The following NRG3 variants were observed in gnomAD, a reference collection of about 807,000 sequenced individuals.
The protein encoded by NRG3 is neuregulin 3, also known as pro-neuregulin-3, membrane-bound isoform.
A neutral mutation model predicts 66.9 loss-of-function variants in NRG3; 31 were observed. The observed-to-expected ratio is 0.46, with a 90% CI of 0.35 to 0.63. NRG3 has a LOEUF of 0.63. Ranked by LOEUF, NRG3 falls within the 20% of genes least tolerant of loss-of-function variation. NRG3 has a pLI of 0.00. For missense variants in NRG3, 910 were observed against 878.9 expected, an observed-to-expected ratio of 1.04 and a Z score of -0.45; for synonymous variants, 393 against 359.4, an observed-to-expected ratio of 1.09 and a Z score of -1.06.
intron 1 of NRG3, among the ~76,000 whole-genome samples, chr10:82,293,316 G>T (rs981447220): frequency 5.4e-5 from 8 of 147,614 alleles, no homozygotes; most frequent in African/African-American, 2.1e-4. Context: ...AGCTTGCTTG[G>T]TATCAGCATT....
chr10:82,418,922 A>G (rs1348717360), intron 2 of NRG3, among the ~76,000 whole-genome samples: 2 of 152,138 alleles, frequency 1.3e-5, no homozygotes, highest in Admixed American at 1.3e-4. Context: ...TAAGCCTCAC[A>G]AACTTTTCCT....
intron 3 of NRG3, among the ~76,000 whole-genome samples, chr10:82,745,987 G>A (rs918443568): frequency 1.1e-4 from 16 of 152,076 alleles, no homozygotes; most frequent in Non-Finnish European, 1.9e-4. Context: ...AACTTTCTGG[G>A]CTCAAGTGAG....
intron 1 of NRG3, among the ~76,000 whole-genome samples, chr10:82,135,081 A>G (rs982555364): frequency 6.6e-6 from 1 of 150,930 alleles, no homozygotes; most frequent in African/African-American, 2.4e-5. Flanking sequence ...AGCCGAGATC[A>G]CACAACTGCA....
chr10:82,861,444 G>T (rs367913373), intron 3 of NRG3, among the ~76,000 whole-genome samples: 4 of 152,224 alleles, frequency 2.6e-5, no homozygotes, highest in East Asian at 3.9e-4. Context: ...ATCCTATTCA[G>T]TGTTTGAATA....
chr10:82,365,761 G>T (rs1432598024), intron 2 of NRG3, among the ~76,000 whole-genome samples: 3 of 152,094 alleles, frequency 2.0e-5, no homozygotes, highest in African/African-American at 7.2e-5. Flanking sequence ...ATTAGCCAAA[G>T]ATTACTTTAT....
intron 2 of NRG3, among the ~76,000 whole-genome samples, chr10:82,507,222 G>A (rs932629036): frequency 6.6e-6 from 1 of 152,162 alleles, no homozygotes; most frequent in African/African-American, 2.4e-5. Flanking sequence ...AGCTAATTTA[G>A]TAGTAGGGAT....
chr10:82,195,093 T>C (rs1335699235), intron 1 of NRG3, among the ~76,000 whole-genome samples: 1 of 152,184 alleles, frequency 6.6e-6, no homozygotes, highest in East Asian at 1.9e-4. Context: ...TAGTGGCCTC[T>C]ATTTTTTGGA....
chr10:82,755,033 T>A (rs886427788), intron 3 of NRG3, among the ~76,000 whole-genome samples: 6 of 152,106 alleles, frequency 3.9e-5, no homozygotes, highest in African/African-American at 9.7e-5. Context: ...ACAAATGACA[T>A]CTCTGAGCTG....
At chr10:82,276,654 A>C (rs1483625197) in intron 1 of NRG3, among the ~76,000 whole-genome samples, 1 of 152,068 alleles carries the variant, frequency 6.6e-6, no homozygotes, top group African/African-American at 2.4e-5. Flanking sequence ...TTTTATTCTA[A>C]CTGCATAGAT....
intron 1 of NRG3, among the ~76,000 whole-genome samples, chr10:81,964,413 A>C (rs1050276733): frequency 1.3e-5 from 2 of 150,920 alleles, no homozygotes; most frequent in African/African-American, 4.9e-5. Context: ...AAAAAAAAAA[A>C]AAAAAGAAGA....
At chr10:82,114,213 A>G (rs542001489) in intron 1 of NRG3, among the ~76,000 whole-genome samples, 19 of 152,258 alleles carry the variant, frequency 1.2e-4, no homozygotes, top group Middle Eastern at 3.4e-3. Flanking sequence ...TTGTTCATTC[A>G]TCTCTTAGGT....
At chr10:82,677,062 C>T (rs1483246635) in intron 2 of NRG3, among the ~76,000 whole-genome samples, 4 of 135,326 alleles carry the variant, frequency 3.0e-5, no homozygotes, top group African/African-American at 8.8e-5. Flanking sequence ...CTCTCTCTCT[C>T]TTTTTTTTTT....
At chr10:81,892,729 G>C (rs1843145865) in intron 1 of NRG3, among the ~76,000 whole-genome samples, 1 of 152,166 alleles carries the variant, frequency 6.6e-6, no homozygotes, top group Non-Finnish European at 1.5e-5. Flanking sequence ...AAAATAGAAA[G>C]AACGAGTAAG....
intron 1 of NRG3, among the ~76,000 whole-genome samples, chr10:82,051,597 A>G (rs1434153017): frequency 6.6e-6 from 1 of 152,208 alleles, no homozygotes; most frequent in Non-Finnish European, 1.5e-5. Context: ...CATGGACTCA[A>G]TATTTACTTG....
chr10:82,441,942 T>G (rs1023025026), intron 2 of NRG3, among the ~76,000 whole-genome samples: 8 of 152,168 alleles, frequency 5.3e-5, no homozygotes, highest in Non-Finnish European at 1.0e-4. Context: ...TTTCCAGAGC[T>G]TGATAATTTA....
chr10:81,916,529 G>T (rs1845726991), intron 1 of NRG3, among the ~76,000 whole-genome samples: 1 of 152,146 alleles, frequency 6.6e-6, no homozygotes, highest in African/African-American at 2.4e-5. Flanking sequence ...GCATTGGGGG[G>T]CTTTGTGTAG....
At chr10:82,683,988 A>G (rs2054310538) in intron 2 of NRG3, among the ~76,000 whole-genome samples, 1 of 151,580 alleles carries the variant, frequency 6.6e-6, no homozygotes, top group African/African-American at 2.4e-5. Context: ...ATCTTTGCAA[A>G]CAGGAGGCTT....
At chr10:82,660,420 C>A (rs1227327707) in intron 2 of NRG3, among the ~76,000 whole-genome samples, 1 of 151,958 alleles carries the variant, frequency 6.6e-6, no homozygotes, top group Non-Finnish European at 1.5e-5. Flanking sequence ...CTGTTAGTGA[C>A]TCACTCTTCC....
intron 1 of NRG3, among the ~76,000 whole-genome samples, chr10:82,274,283 T>C (rs2078736554): frequency 6.6e-6 from 1 of 152,070 alleles, no homozygotes; most frequent in African/African-American, 2.4e-5. Context: ...TCTACAAAGT[T>C]TTCTTCCCAT....
Sources: allele counts gnomAD v4.1 joint callset (sites outside exome capture counted in the v4.1 genomes callset), GRCh38; gene constraint gnomAD v4.1.1; transcripts MANE v1.5; gene names NCBI Gene and HGNC (gene_info 2026-07-23, HGNC 2026-07-21).